SPI1: variants seen among roughly 807,000 people sequenced by gnomAD.
The protein encoded by SPI1 is transcription factor PU.1.
Under a neutral mutation model 30.7 loss-of-function variants are expected in SPI1, and 3 were observed. The observed-to-expected ratio is 0.10, with a 90% CI of 0.04 to 0.25. The LOEUF (loss-of-function observed/expected upper bound fraction) is 0.25. Among genes scored for constraint, SPI1 ranks in the 10% least tolerant of loss-of-function variants. The pLI, the probability that SPI1 is intolerant of heterozygous loss-of-function variation, is 1.00. For synonymous variants in SPI1, 169 were observed against 157.1 expected (o/e 1.08, Z -0.56); for missense variants, 261 against 371.5 (o/e 0.70, Z 2.45).
chr11:47,360,483 C>G (rs558387093), intron 2 of SPI1, among the ~76,000 whole-genome samples: 1 of 152,170 alleles, frequency 6.6e-6, no homozygotes, highest in Non-Finnish European at 1.5e-5. Flanking sequence ...AAACACCTCG[C>G]ACCAGAGCCG....
Position 47,355,245 on chromosome 11 carries a change from C to A in SPI1, c.795G>T (p.Arg265=). ...TGCGGGCTCAGTGGGGCGGGTGGCGCCGCTCGGCCAGGCCCCCGCGGCCCA... is the reference window on the plus strand; with the variant it reads ...TGCGGGCTCAGTGGGGCGGGTGGCGACGCTCGGCCAGGCCCCCGCGGCCCA... ...EVLGRGGLAE[R]RHPPH is the part of the protein sequence containing the mutation. Residue 265 remains arginine (R), a synonymous_variant, in exon 5 of 5, where the codon CGG becomes CGT. Transcript: ENST00000378538. The A allele has an allele frequency of 7.0e-7, 1 of 1,438,472 alleles. No homozygotes were observed. The allele number at this position is 1,438,472 out of a possible 1,614,324, so 89.1% of individuals were successfully genotyped here.
intron 4 of SPI1, 146 bp downstream of exon 4, chr11:47,358,698 C>T: frequency 1.2e-6 from 1 of 840,892 alleles, no homozygotes; most frequent in Non-Finnish European, 2.0e-6. Context: ...ACAGACAGCC[C>T]CACAAAACAC....
chr11:47,357,985 CCA>C (rs2095914284), intron 4 of SPI1, among the ~76,000 whole-genome samples: 2 of 151,268 alleles, frequency 1.3e-5, no homozygotes, highest in African/African-American at 2.4e-5. Flanking sequence ...TCCTCACCCC[CCA>C]CACACACCTG....
At position 47,355,339 on chromosome 11, in the gene SPI1, T is replaced by C; in HGVS notation, c.701A>G (p.Asn234Ser). Residue 234 changes from asparagine to serine, a missense_variant, in exon 5 of 5, where the codon AAC becomes AGC. Transcript: ENST00000378538. Reference protein sequence around the residue: ...TYQKMARALRNYGKTGEVKKV... With the variant: ...TYQKMARALRSYGKTGEVKKV... ...CTTGACCTCGCCCGTCTTGCCGTAGTTGCGCAGCGCGCGCGCCATCTTCTG... is the reference window on the plus strand; with the variant it reads ...CTTGACCTCGCCCGTCTTGCCGTAGCTGCGCAGCGCGCGCGCCATCTTCTG... 6.2e-7 allele frequency: 1 copy of C among 1,613,322 alleles called. No individual in the cohort carries two copies. Among genetic ancestry groups the C allele is most frequent in the Non-Finnish European group, 8.5e-7 (1 of 1,179,588 alleles).
At chr11:47,377,445 C>T (rs2095943859) in intron 1 of SPI1, among the ~76,000 whole-genome samples, 1 of 152,106 alleles carries the variant, frequency 6.6e-6, no homozygotes. Context: ...TGGTCTGACA[C>T]CTGCCTAAGG....
intron 4 of SPI1, among the ~76,000 whole-genome samples, chr11:47,356,887 C>G (rs917366439): frequency 2.6e-5 from 4 of 151,134 alleles, no homozygotes; most frequent in African/African-American, 9.7e-5. Flanking sequence ...CTCAGCTACA[C>G]ACACACGCCC....
chr11:47,377,225 C>T (rs963750251), intron 1 of SPI1, among the ~76,000 whole-genome samples: 14 of 152,120 alleles, frequency 9.2e-5, no homozygotes, highest in African/African-American at 3.1e-4. Flanking sequence ...CGGCTCTGGT[C>T]GGGTTGGTGT....
chr11:47,378,085 C>T (rs895163843), intron 1 of SPI1, among the ~76,000 whole-genome samples: 7 of 152,256 alleles, frequency 4.6e-5, no homozygotes, highest in Non-Finnish European at 8.8e-5. Flanking sequence ...CAGGCCCCAC[C>T]GATCACAGCC....
chr11:47,377,130 G>A (rs1311875723), intron 1 of SPI1, among the ~76,000 whole-genome samples: 2 of 152,196 alleles, frequency 1.3e-5, no homozygotes, highest in Non-Finnish European at 2.9e-5. Context: ...GCCTGTGGCT[G>A]GCCAAGTGAG....
intron 4 of SPI1, chr11:47,358,407 C>T: frequency 1.6e-6 from 1 of 627,590 alleles, no homozygotes; most frequent in Non-Finnish European, 2.9e-6. Context: ...CACAGCTGCT[C>T]ACACGCACTG....
chr11:47,360,008 G>A lies in SPI1; in HGVS notation c.175C>T (p.His59Tyr). The change falls in exon 3 of 5, where the codon CAC becomes TAC. Residue 59 changes from histidine to tyrosine, a missense_variant. His to Tyr is a moderately conservative substitution (Grantham distance 83). This residue lies in a region of SPI1 where 78 missense variants were observed against 93.2 expected (regional missense o/e 0.84). Transcript: ENST00000378538. ...HYWDFHPHHV[H>Y]SEFESFAENN... is the part of the protein sequence containing the mutation. ...TCGGCGAAGCTCTCGAACTCGCTGTGCACGTGGTGGGGGTGGAAGTCCCAG... is the reference window on the plus strand; with the variant it reads ...TCGGCGAAGCTCTCGAACTCGCTGTACACGTGGTGGGGGTGGAAGTCCCAG... 6.3e-7 allele frequency: 1 copy of A among 1,594,102 alleles called. No individual in the cohort carries two copies. Among genetic ancestry groups the A allele is most frequent in the Non-Finnish European group, 8.6e-7 (1 of 1,168,870 alleles).
intron 4 of SPI1, chr11:47,358,139 AC>A: frequency 4.9e-6 from 1 of 202,488 alleles, no homozygotes; most frequent in Non-Finnish European, 1.0e-5. Context: ...CTGCTTACAT[AC>A]ACCCTCAAAC....
chr11:47,376,685 CT>C (rs1326923625), intron 1 of SPI1, among the ~76,000 whole-genome samples: 1 of 152,214 alleles, frequency 6.6e-6, no homozygotes, highest in East Asian at 1.9e-4. Flanking sequence ...CCTCCTCCCC[CT>C]ACTGGCACAG....
At chr11:47,363,506 G>A (rs1595859161) in intron 2 of SPI1, among the ~76,000 whole-genome samples, 1 of 151,864 alleles carries the variant, frequency 6.6e-6, no homozygotes, top group African/African-American at 2.4e-5. Context: ...GGGTGACAGA[G>A]TGAGACTCCA....
intron 4 of SPI1, among the ~76,000 whole-genome samples, chr11:47,357,634 C>T (rs1211115006): frequency 3.3e-5 from 5 of 152,090 alleles, no homozygotes; most frequent in Non-Finnish European, 5.9e-5. Flanking sequence ...GGCACGATCT[C>T]GGCTCACTGC....
rs745323242 is a variant in SPI1, at chr11:47,378,309, A to T, written c.45T>A (p.Pro15=). ...CKMEGFPLVP[P]PSEDLVPYDT... is the part of the protein sequence containing the mutation. ...CTGGTGGAGGAGTCCCGGTACTCAC[A>T]GGGGGGACGAGGGGAAACCCTTCCA... The change falls in exon 1 of 5, where the codon CCT becomes CCA. Residue 15 remains proline (P), a splice_region_variant and synonymous_variant. Coordinates refer to ENST00000378538, the MANE Select transcript of SPI1 (RefSeq NM_003120.3). The T allele has an allele frequency of 1.9e-6, 3 of 1,613,280 alleles. No individual in the cohort carries two copies. In the South Asian group the frequency reaches 3.3e-5, roughly 18 times the overall value.
At chr11:47,356,595 A>G (rs1026764329) in intron 4 of SPI1, among the ~76,000 whole-genome samples, 5 of 150,914 alleles carry the variant, frequency 3.3e-5, no homozygotes, top group African/African-American at 1.2e-4. Context: ...ACCAGGTCTC[A>G]TAATCACACC....
chr11:47,355,836 TCCA>T (rs1460391621), intron 4 of SPI1, among the ~76,000 whole-genome samples: 1 of 132,142 alleles, frequency 7.6e-6, no homozygotes, highest in Non-Finnish European at 1.6e-5. Context: ...CATGCTCACA[TCCA>T]CATAACGCAC....
chr11:47,355,998 C>G (rs1372375878), intron 4 of SPI1, among the ~76,000 whole-genome samples: 1 of 150,580 alleles, frequency 6.6e-6, no homozygotes, highest in African/African-American at 2.5e-5. Context: ...CTCACACGTA[C>G]AATGTATCTG....
Sources: allele counts gnomAD v4.1 joint callset (sites outside exome capture counted in the v4.1 genomes callset), GRCh38; gene constraint gnomAD v4.1.1; regional missense constraint gnomAD v4.1.1; transcripts MANE v1.5; gene names NCBI Gene and HGNC (gene_info 2026-07-23, HGNC 2026-07-21).